Variants in NAA50 observed in about 807,000 individuals in gnomAD.
NAA50 encodes the protein N-alpha-acetyltransferase 50.
In NAA50, 7 loss-of-function variants were observed where a neutral mutation model predicts 20.7. That is an observed-to-expected ratio of 0.34 (90% CI 0.19 to 0.63). NAA50 has a LOEUF of 0.63. Ranked by LOEUF, NAA50 falls within the 30% of genes least tolerant of loss-of-function variation. The pLI is 0.75. For missense variants in NAA50, 111 were observed against 199.1 expected, an observed-to-expected ratio of 0.56 and a Z score of 2.66; for synonymous variants, 54 against 70.6, an observed-to-expected ratio of 0.77 and a Z score of 1.18.
intron 1 of NAA50, chr3:113,740,932 T>C (rs1054007847): frequency 2.0e-5 from 10 of 504,948 alleles, no homozygotes; most frequent in Non-Finnish European, 4.0e-5. Flanking sequence ...GGACTAGCGA[T>C]GGTAACAGAA....
chr3:113,731,602 T>A (rs1245254339), intron 1 of NAA50, among the ~76,000 whole-genome samples: 3 of 152,190 alleles, frequency 2.0e-5, no homozygotes, highest in African/African-American at 7.2e-5. Flanking sequence ...GTCTCAAAAT[T>A]CCTTAGGTGC....
intron 1 of NAA50, among the ~76,000 whole-genome samples, chr3:113,729,794 G>A (rs999132851): frequency 6.6e-6 from 1 of 152,022 alleles, no homozygotes; most frequent in Non-Finnish European, 1.5e-5. Flanking sequence ...CTGAACTCAA[G>A]CAATCCACCT....
intron 1 of NAA50, among the ~76,000 whole-genome samples, chr3:113,734,290 G>C (rs1230940187): frequency 6.6e-6 from 1 of 152,040 alleles, no homozygotes; most frequent in African/African-American, 2.4e-5. Flanking sequence ...CAGATACTGG[G>C]GACTACTAGA....
rs2107999428 is a variant in NAA50, at chr3:113,746,003, G to A, written c.-54C>T. On this transcript the variant is annotated 5_prime_UTR_variant, in exon 1 of 5. Coordinates refer to ENST00000240922, the MANE Select transcript of NAA50 (RefSeq NM_025146.4). Reference sequence around the variant, plus strand: ...CACCGATATCAACGCCGTCGTAGTCGCCGCCCTTAGGTCTCCGCACCCTTA... The same window carrying A: ...CACCGATATCAACGCCGTCGTAGTCACCGCCCTTAGGTCTCCGCACCCTTA... 5.0e-6 allele frequency: 8 copies of A among 1,602,906 alleles called. No homozygotes were observed. The highest frequency in any genetic ancestry group is 6.8e-6 in the Non-Finnish European group (8 of 1,178,412).
rs1708123258 is a variant in NAA50, at chr3:113,720,585, TAATA to T, written c.*1171_*1174del. The T allele has an allele frequency of 6.6e-6, 1 of 152,620 alleles. No homozygotes were observed. Among genetic ancestry groups the T allele is most frequent in the African/African-American group, 2.4e-5 (1 of 41,456 alleles). 9.5% of individuals were successfully genotyped at this position (152,620 alleles called of 1,614,324 possible). ...TTTCCAAGAATAGAAGCAATATGTT[TAATA>T]ATTACCCCTGCCTCAAATCCTTAAA... On this transcript the variant is annotated 3_prime_UTR_variant, in exon 5 of 5. Transcript: ENST00000240922.
Position 113,746,006 on chromosome 3 carries a change from G to A in NAA50, c.-57C>T, listed in dbSNP as rs1577075742. 3 of 1,602,302 alleles carry A rather than the reference G, an allele frequency of 1.9e-6. No homozygotes were observed. Among genetic ancestry groups the A allele is most frequent in the Non-Finnish European group, 1.7e-6 (2 of 1,178,150 alleles). ...CGATATCAACGCCGTCGTAGTCGCC[G>A]CCCTTAGGTCTCCGCACCCTTAGCT... On this transcript the variant is annotated 5_prime_UTR_variant, in exon 1 of 5. Coordinates refer to ENST00000240922, the MANE Select transcript of NAA50 (RefSeq NM_025146.4).
intron 1 of NAA50, among the ~76,000 whole-genome samples, chr3:113,741,999 A>G (rs915271367): frequency 6.6e-6 from 1 of 152,124 alleles, no homozygotes; most frequent in Non-Finnish European, 1.5e-5. Flanking sequence ...TTTTTCTTTT[A>G]TATTAGAGAG....
chr3:113,739,390 T>C (rs1018814864), intron 1 of NAA50: 1 of 152,228 alleles, frequency 6.6e-6, no homozygotes, highest in Non-Finnish European at 1.5e-5. Flanking sequence ...GGAGGTCAAC[T>C]GGCAAGAAAC....
At chr3:113,726,679 G>A (rs575916763) in intron 1 of NAA50, among the ~76,000 whole-genome samples, 1 of 151,874 alleles carries the variant, frequency 6.6e-6, no homozygotes, top group South Asian at 2.1e-4. Flanking sequence ...AGGAGGCAGA[G>A]GTTGCAGTGA....
At chr3:113,723,885 G>A (rs974302415) in intron 2 of NAA50, 74 bp downstream of exon 2, 1 of 1,406,600 alleles carries the variant, frequency 7.1e-7, no homozygotes, top group Admixed American at 2.5e-5. Flanking sequence ...AACTTCTTCT[G>A]CTCTATAAAA....
chr3:113,726,487 A>T (rs1294549917), intron 1 of NAA50, among the ~76,000 whole-genome samples: 3 of 55,796 alleles, frequency 5.4e-5, no homozygotes, highest in East Asian at 5.6e-4. Context: ...CCATTCACAT[A>T]AAAAAAAAAA....
intron 1 of NAA50, 47 bp from the exon 2 acceptor site, chr3:113,724,142 T>G: frequency 2.1e-6 from 3 of 1,453,578 alleles, no homozygotes; most frequent in Non-Finnish European, 1.8e-6. Flanking sequence ...TAGCCCCATT[T>G]GTTAATATGA....
rs1708161526 is a variant in NAA50 at position 113,723,530 on chromosome 3, C to T, written c.157G>A (p.Asp53Asn). Residue 53 changes from aspartate to asparagine, a missense_variant, in exon 3 of 5, where the codon GAT (aspartate) becomes AAT (asparagine). Transcript: ENST00000240922. ...GELAKLAYFNDIAVGAVCCRV... is the reference protein window; with the variant it reads ...GELAKLAYFNNIAVGAVCCRV... ...CAGCATACTGCACCTACAGCAATAT[C>T]ATTGAAATAGGCTGCCAAGGAAAAC... The T allele has an allele frequency of 6.2e-7, 1 of 1,603,154 alleles. No individual in the cohort carries two copies. Among genetic ancestry groups the T allele is most frequent in the Non-Finnish European group, 8.5e-7 (1 of 1,175,684 alleles).
intron 1 of NAA50, among the ~76,000 whole-genome samples, chr3:113,732,171 C>T (rs1708281477): frequency 6.6e-6 from 1 of 152,184 alleles, no homozygotes; most frequent in Non-Finnish European, 1.5e-5. Context: ...ATGTGAAGAT[C>T]AACCATGATT....
intron 2 of NAA50, 41 bp from the exon 3 acceptor site, chr3:113,723,582 A>C (rs749538329): frequency 1.3e-5 from 21 of 1,556,996 alleles, no homozygotes; most frequent in Non-Finnish European, 1.8e-5. Flanking sequence ...GAACAGACAG[A>C]ATAACACATT....
chr3:113,725,126 A>G (rs1708185302), intron 1 of NAA50, among the ~76,000 whole-genome samples: 1 of 152,234 alleles, frequency 6.6e-6, no homozygotes, highest in Non-Finnish European at 1.5e-5. Flanking sequence ...TTTCAGTTCC[A>G]ATTTCTAACA....
chr3:113,722,678 C>A (rs888568821), intron 4 of NAA50, among the ~76,000 whole-genome samples: 2 of 152,090 alleles, frequency 1.3e-5, no homozygotes, highest in African/African-American at 4.8e-5. Flanking sequence ...GACTTTGGTG[C>A]TCTCATCCTA....
intron 4 of NAA50, 22 bp from the exon 5 acceptor site, chr3:113,721,959 G>GAAAAAAAA: frequency 6.3e-7 from 1 of 1,585,020 alleles, no homozygotes; most frequent in Admixed American, 1.9e-5. Flanking sequence ...GAGAGTATCA[G>GAAAAAAAA]AAAAAAAATT....
In NAA50 at chr3:113,745,950, C is replaced by A. The variant is rs769358105; in HGVS notation, c.-1G>T. On this transcript the variant is annotated 5_prime_UTR_variant, in exon 1 of 5. Coordinates refer to ENST00000240922, the MANE Select transcript of NAA50 (RefSeq NM_025146.4). ...CGGCTGCCCTTCCTCACCCTTTCAT[C>A]TTCCCCGCCTGCTGAGGCCGTCGTT... The A allele has an allele frequency of 3.1e-6, 5 of 1,606,424 alleles. No individual in the cohort carries two copies. The African/African-American group carries it at 6.7e-5, about 21-fold the overall frequency.
Sources: allele counts gnomAD v4.1 joint callset (sites outside exome capture counted in the v4.1 genomes callset), GRCh38; gene constraint gnomAD v4.1.1; transcripts MANE v1.5; gene names NCBI Gene and HGNC (gene_info 2026-07-23, HGNC 2026-07-21).